Variants in SIPA1L2 observed in about 807,000 individuals in gnomAD.
The protein encoded by SIPA1L2 is signal-induced proliferation-associated 1-like protein 2.
Under a neutral mutation model 163.9 loss-of-function variants are expected in SIPA1L2, and 56 were observed. That is an observed-to-expected ratio of 0.34 (90% CI 0.28 to 0.43). SIPA1L2 has a LOEUF of 0.43. SIPA1L2 is among the 20% of genes least tolerant of loss of function. The probability of loss-of-function intolerance (pLI) is 1.00; values close to 1 mark genes in which losing one functional copy is unlikely to be tolerated. For synonymous variants in SIPA1L2, 877 were observed against 865.7 expected (o/e 1.01, Z -0.23); for missense variants, 1,974 against 2,193.5 (o/e 0.90, Z 2.00).
chr1:232,617,062 T>C (rs1183530271), intron 1 of SIPA1L2, among the ~76,000 whole-genome samples: 2 of 152,262 alleles, frequency 1.3e-5, no homozygotes, highest in Non-Finnish European at 2.9e-5. Flanking sequence ...GCATTTGAAA[T>C]AATTGGAAAT....
chr1:232,602,932 G>T (rs1291771546), intron 1 of SIPA1L2, among the ~76,000 whole-genome samples: 1 of 152,154 alleles, frequency 6.6e-6, no homozygotes, highest in Non-Finnish European at 1.5e-5. Context: ...CATGCAGTTG[G>T]TGGCTACCAT....
At chr1:232,563,044 A>T (rs1427565217) in intron 2 of SIPA1L2, among the ~76,000 whole-genome samples, 1 of 152,200 alleles carries the variant, frequency 6.6e-6, no homozygotes, top group Admixed American at 6.5e-5. Context: ...TAAAAATCCT[A>T]CATGCCTGAA....
At chr1:232,571,351 T>C (rs894313407) in intron 2 of SIPA1L2, among the ~76,000 whole-genome samples, 27 of 152,180 alleles carry the variant, frequency 1.8e-4, no homozygotes, top group African/African-American at 6.3e-4. Flanking sequence ...TGGTCAAAAA[T>C]AGTACATATT....
intron 3 of SIPA1L2, among the ~76,000 whole-genome samples, chr1:232,504,936 T>TA (rs35860461): frequency 2.0e-5 from 3 of 152,136 alleles, no homozygotes; most frequent in Non-Finnish European, 4.4e-5. Context: ...AGCTTGAGGC[T>TA]AAAAAAATTC....
chr1:232,562,152 CA>C (rs1659073222), intron 2 of SIPA1L2, among the ~76,000 whole-genome samples: 1 of 152,158 alleles, frequency 6.6e-6, no homozygotes, highest in African/African-American at 2.4e-5. Context: ...TTAGGAAAAC[CA>C]AAATGCTGCC....
intron 19 of SIPA1L2, among the ~76,000 whole-genome samples, chr1:232,409,591 G>A (rs1385537782): frequency 6.6e-6 from 1 of 152,210 alleles, no homozygotes; most frequent in Non-Finnish European, 1.5e-5. Context: ...AGACATCACA[G>A]AACTTCTGCT....
intron 3 of SIPA1L2, among the ~76,000 whole-genome samples, chr1:232,494,777 T>C (rs564827632): frequency 6.6e-6 from 1 of 152,224 alleles, no homozygotes; most frequent in Non-Finnish European, 1.5e-5. Flanking sequence ...AATTTATCTA[T>C]TTTTAGCAGC....
intron 15 of SIPA1L2, among the ~76,000 whole-genome samples, chr1:232,433,900 T>C (rs1196791658): frequency 6.6e-6 from 1 of 152,226 alleles, no homozygotes; most frequent in African/African-American, 2.4e-5. Flanking sequence ...GGCAAGTTTC[T>C]TAACCTCAGT....
chr1:232,581,645 T>C (rs1341620236), intron 1 of SIPA1L2, among the ~76,000 whole-genome samples: 1 of 152,206 alleles, frequency 6.6e-6, no homozygotes, highest in Non-Finnish European at 1.5e-5. Flanking sequence ...CTATACTATG[T>C]GTAACTTAAA....
intron 2 of SIPA1L2, among the ~76,000 whole-genome samples, chr1:232,541,232 T>TAA (rs1657640998): frequency 6.9e-6 from 1 of 145,216 alleles, no homozygotes; most frequent in Non-Finnish European, 1.5e-5. Context: ...ATGTATCACA[T>TAA]CACATAACAT....
At chr1:232,567,487 C>T (rs866031596) in intron 2 of SIPA1L2, among the ~76,000 whole-genome samples, 1 of 151,856 alleles carries the variant, frequency 6.6e-6, no homozygotes, top group South Asian at 2.1e-4. Context: ...ATGGTAAGAA[C>T]AGAAATTGGA....
chr1:232,441,048 C>T (rs1242805884), intron 14 of SIPA1L2, among the ~76,000 whole-genome samples: 4 of 152,256 alleles, frequency 2.6e-5, no homozygotes, highest in African/African-American at 9.6e-5. Context: ...GTAACTACTG[C>T]ACTGGATATT....
intron 19 of SIPA1L2, among the ~76,000 whole-genome samples, chr1:232,409,819 C>A (rs1403784678): frequency 6.6e-6 from 1 of 152,108 alleles, no homozygotes; most frequent in Non-Finnish European, 1.5e-5. Context: ...GCCTAGTCAA[C>A]CCAGAGAATC....
At chr1:232,544,012 A>G (rs1057055874) in intron 2 of SIPA1L2, among the ~76,000 whole-genome samples, 2 of 152,244 alleles carry the variant, frequency 1.3e-5, no homozygotes, top group Non-Finnish European at 2.9e-5. Flanking sequence ...GTACTTCAGA[A>G]AGACTGGAAT....
chr1:232,403,109 T>A (rs1660440740), intron 21 of SIPA1L2, among the ~76,000 whole-genome samples: 1 of 152,222 alleles, frequency 6.6e-6, no homozygotes, highest in Non-Finnish European at 1.5e-5. Flanking sequence ...GAGTTATCCC[T>A]GCATGGTGCT....
At chr1:232,490,748 A>G (rs986340086) in intron 5 of SIPA1L2, 126 bp downstream of exon 5, 18 of 1,013,198 alleles carry the variant, frequency 1.8e-5, no homozygotes, top group African/African-American at 1.8e-4. Flanking sequence ...GGGAAAAACT[A>G]AAGAGAAAAT....
chr1:232,532,425 C>T (rs946802705), intron 2 of SIPA1L2, among the ~76,000 whole-genome samples: 2 of 152,180 alleles, frequency 1.3e-5, no homozygotes, highest in African/African-American at 4.8e-5. Flanking sequence ...ACAGCAAGAA[C>T]TTGATAAATA....
At chr1:232,604,307 T>C (rs1290478109) in intron 1 of SIPA1L2, among the ~76,000 whole-genome samples, 1 of 152,238 alleles carries the variant, frequency 6.6e-6, no homozygotes, top group Non-Finnish European at 1.5e-5. Flanking sequence ...TTCACTCCAC[T>C]TTTATAGTCT....
At chr1:232,428,299 T>G in intron 17 of SIPA1L2, 112 bp downstream of exon 17, 6 of 927,274 alleles carry the variant, frequency 6.5e-6, no homozygotes, top group Non-Finnish European at 9.0e-6. Context: ...GGTAGGGTCA[T>G]GAGAGATGAA....
Sources: allele counts gnomAD v4.1 joint callset (sites outside exome capture counted in the v4.1 genomes callset), GRCh38; gene constraint gnomAD v4.1.1; transcripts MANE v1.5; gene names NCBI Gene and HGNC (gene_info 2026-07-23, HGNC 2026-07-21).